MBP: variants seen among roughly 807,000 people sequenced by gnomAD.
MBP encodes the protein myelin basic protein.
In MBP, 16 loss-of-function variants were observed where a neutral mutation model predicts 35.8. The ratio of observed to expected loss-of-function variants is 0.45; its 90% CI spans 0.30 to 0.68. The LOEUF is 0.68. Ranked by LOEUF, MBP falls within the 30% of genes least tolerant of loss-of-function variation. The pLI is 0.08. For missense variants in MBP, 380 were observed against 404.7 expected, an observed-to-expected ratio of 0.94 and a Z score of 0.52; for synonymous variants, 143 against 159.6, an observed-to-expected ratio of 0.90 and a Z score of 0.78.
At chr18:77,052,498 G>A (rs1163494706) in intron 3 of MBP, among the ~76,000 whole-genome samples, 2 of 152,240 alleles carry the variant, frequency 1.3e-5, no homozygotes, top group African/African-American at 2.4e-5. Flanking sequence ...GTTCTGGGAA[G>A]CTTTCAGTTG....
chr18:77,043,060 A>G (rs1371194921), intron 3 of MBP, among the ~76,000 whole-genome samples: 1 of 152,258 alleles, frequency 6.6e-6, no homozygotes, highest in East Asian at 1.9e-4. Flanking sequence ...AAGAATGCAT[A>G]CTAACATTAA....
chr18:77,110,970 C>T (rs530139119), intron 1 of MBP, among the ~76,000 whole-genome samples: 14 of 152,244 alleles, frequency 9.2e-5, no homozygotes, highest in Non-Finnish European at 1.3e-4. Flanking sequence ...GCAATGTTTT[C>T]GACATCCCAG....
At position 77,081,763 on chromosome 18, in the gene MBP, T is replaced by C. The variant is rs71357314; in HGVS notation, c.52-15378A>G. ...TTTCATAGCAGCATATATATATATA[T>C]ATATACACACACACACACACACACA... On this transcript the variant is annotated intron_variant, in intron 2 of 8. Transcript: ENST00000355994. 9.3e-4 allele frequency among the ~76,000 whole-genome samples: 109 copies of C among 116,664 alleles called. 1 individual carries two copies. The highest frequency in any genetic ancestry group is 2.4e-3 in the African/African-American group (77 of 31,626). 76.5% of individuals were successfully genotyped at this position (116,664 alleles called of 152,430 possible).
chr18:76,985,151 G>A, intron 7 of MBP: 1 of 1,528,352 alleles, frequency 6.5e-7, no homozygotes, highest in Non-Finnish European at 8.8e-7. Context: ...GAGATATGCG[G>A]CCCAACCACA....
chr18:77,118,557 G>A (rs960915214), intron 1 of MBP, among the ~76,000 whole-genome samples: 1 of 151,402 alleles, frequency 6.6e-6, no homozygotes, highest in African/African-American at 2.4e-5. Flanking sequence ...AGTGCGGAAA[G>A]CTGGATTCCA....
chr18:76,980,828 G>T lies in MBP; in HGVS notation c.871-357C>A, dbSNP rs112118220. 9.2e-3 allele frequency: 2,084 copies of T among 227,398 alleles called. 43 individuals carry two copies. The highest frequency in any genetic ancestry group is 0.043 in the African/African-American group (1,907 of 43,892). The allele number at this position is 227,398 out of a possible 1,614,324, so 14.1% of individuals were successfully genotyped here. On this transcript the variant is annotated intron_variant, in intron 8 of 8. Transcript: ENST00000355994. The stretch of plus-strand genomic sequence containing the variant: ...GCACTTTTTCTCGTCAGCTAGAGGT[G>T]CCAGGGCAGCCGAGGGGAACTGCCA...
At chr18:77,069,763 C>T (rs1052394040) in intron 2 of MBP, among the ~76,000 whole-genome samples, 2 of 152,156 alleles carry the variant, frequency 1.3e-5, no homozygotes, top group African/African-American at 2.4e-5. Context: ...GTGTCCTGTG[C>T]GCCAGCTTGT....
intron 3 of MBP, among the ~76,000 whole-genome samples, chr18:77,063,960 G>A (rs779990777): frequency 4.6e-5 from 7 of 151,524 alleles, no homozygotes; most frequent in South Asian, 2.1e-4. Context: ...CGCTGCCATC[G>A]TTACGAATAA....
At chr18:77,084,360 C>T (rs1327685121) in intron 2 of MBP, among the ~76,000 whole-genome samples, 1 of 150,418 alleles carries the variant, frequency 6.6e-6, no homozygotes, top group African/African-American at 2.4e-5. Context: ...ACAAGAGCTG[C>T]TACAAAAGAC....
intron 2 of MBP, among the ~76,000 whole-genome samples, chr18:77,084,962 GAGAGAGA>G (rs1975162689): frequency 9.7e-3 from 13 of 1,346 alleles, no homozygotes; most frequent in Middle Eastern, 0.25. Context: ...GGAGGGGGGA[GAGAGAGA>G]GAGAGAGAGA....
In MBP at chr18:77,079,594, C is replaced by A. The variant is rs943991192; in HGVS notation, c.52-13209G>T. ...AAGAATAATAAATATTATAATAGCA[C>A]ACACACAGTTTATTTGCTTGCTGAT... is the stretch of plus-strand genomic sequence containing the variant. On this transcript the variant is annotated intron_variant, in intron 2 of 8. Transcript: ENST00000355994. Among the ~76,000 whole-genome samples the A allele has an allele frequency of 2.6e-5, 4 of 152,144 alleles. No individual in the cohort carries two copies. The East Asian group carries it at 5.8e-4, about 22-fold the overall frequency.
At chr18:77,046,457 G>A (rs1973262250) in intron 3 of MBP, among the ~76,000 whole-genome samples, 1 of 152,254 alleles carries the variant, frequency 6.6e-6, no homozygotes, top group South Asian at 2.1e-4. Context: ...TTAGGCTGAG[G>A]CACAGGGAGG....
intron 3 of MBP, among the ~76,000 whole-genome samples, chr18:77,047,489 G>T (rs1191969703): frequency 1.3e-5 from 2 of 152,232 alleles, no homozygotes; most frequent in Non-Finnish European, 2.9e-5. Context: ...TCGGGGAAGA[G>T]AATGGAGAAG....
In MBP at chr18:77,052,684, G is replaced by A. The variant is rs140592129; in HGVS notation, c.139+13614C>T. On this transcript the variant is annotated intron_variant, in intron 3 of 8. Transcript: ENST00000355994. ...GCAAGCTCAGAGGACCTACTCAGCA[G>A]TGTCCCCCACCCATCCACACGCTCA... 6.6e-5 allele frequency among the ~76,000 whole-genome samples: 10 copies of A among 152,308 alleles called. No homozygotes were observed. The East Asian group carries it at 1.9e-3, about 29-fold the overall frequency.
intron 3 of MBP, among the ~76,000 whole-genome samples, chr18:77,061,401 C>G (rs1973972110): frequency 6.6e-6 from 1 of 152,220 alleles, no homozygotes; most frequent in African/African-American, 2.4e-5. Flanking sequence ...TTACTGAGTA[C>G]TGTGAGGAGA....
chr18:77,019,902 G>A (rs574599434), intron 3 of MBP, among the ~76,000 whole-genome samples: 6 of 152,298 alleles, frequency 3.9e-5, no homozygotes, highest in South Asian at 4.1e-4. Flanking sequence ...GAGGATGGCC[G>A]GGCTGAGAAC....
rs971126551 is a variant in MBP, at chr18:77,102,078, C to G, written c.51+3133G>C. 1.3e-5 allele frequency among the ~76,000 whole-genome samples: 2 copies of G among 152,088 alleles called. No individual in the cohort carries two copies. The highest frequency in any genetic ancestry group is 2.4e-5 in the African/African-American group (1 of 41,482). ...AATCACCAGGATCTGTATCAGAGCA[C>G]TCAGCCGCAGGCTCTATGACAGCAG... On this transcript the variant is annotated intron_variant, in intron 2 of 8. Transcript: ENST00000355994. The surrounding 1 kb of genome is among the most constrained non-coding windows in gnomAD (Gnocchi z 4.4).
rs1302570487 is a variant in MBP at position 77,044,359 on chromosome 18, C to T, written c.139+21939G>A. Among the ~76,000 whole-genome samples the T allele has an allele frequency of 6.6e-6, 1 of 152,186 alleles. No individual in the cohort carries two copies. Among genetic ancestry groups the T allele is most frequent in the Non-Finnish European group, 1.5e-5 (1 of 68,044 alleles). On this transcript the variant is annotated intron_variant, in intron 3 of 8. Transcript: ENST00000355994. The surrounding 1 kb of genome is among the most constrained non-coding windows in gnomAD (Gnocchi z 4.4). ...AGGTCCACCGTGACCTCCCCCAACT[C>T]TGCTGCAGCTGCCGTGGTGCCAGCC...
chr18:77,066,931 T>A (rs867916177), intron 2 of MBP, among the ~76,000 whole-genome samples: 5 of 152,220 alleles, frequency 3.3e-5, no homozygotes, highest in Admixed American at 2.0e-4. Flanking sequence ...CCCTGGCCAC[T>A]CCTCTGGGAA....
Sources: gnomAD v4.1 joint callset for allele counts (sites outside exome capture counted in the v4.1 genomes callset) on GRCh38, gnomAD v4.1.1 for gene constraint, Gnocchi (gnomAD v3.1) non-coding constraint, MANE v1.5 for transcripts, NCBI Gene and HGNC (gene_info 2026-07-23, HGNC 2026-07-21) for gene names.